ZC3H6: variants seen among roughly 807,000 people sequenced by gnomAD.
ZC3H6 encodes zinc finger CCCH domain-containing protein 6.
A neutral mutation model predicts 107.7 loss-of-function variants in ZC3H6; 40 were observed. The ratio of observed to expected loss-of-function variants is 0.37; its 90% CI spans 0.29 to 0.48. The LOEUF (loss-of-function observed/expected upper bound fraction) is 0.48. Among genes scored for constraint, ZC3H6 ranks in the 20% least tolerant of loss-of-function variants. The probability of loss-of-function intolerance (pLI) is 0.98; values close to 1 mark genes in which losing one functional copy is unlikely to be tolerated. For synonymous variants in ZC3H6, 493 were observed against 487.9 expected (o/e 1.01, Z -0.14); for missense variants, 1,267 against 1,410.4 (o/e 0.90, Z 1.63).
chr2:112,290,070 G>A (rs1391088491), intron 1 of ZC3H6, among the ~76,000 whole-genome samples: 1 of 152,036 alleles, frequency 6.6e-6, no homozygotes, highest in Non-Finnish European at 1.5e-5. Context: ...AAAAAGTTTG[G>A]ACTAATGTTC....
At position 112,299,975 on chromosome 2, in the gene ZC3H6, TAAGAA is replaced by T; in HGVS notation, c.161_165del (p.Lys54ArgfsTer13). ...CCTACAGAAAATCAAGAAAAAAACA[TAAGAA>T]AGAGAGAGAGAAGAAAAAATCCAAA... On this transcript the variant is annotated frameshift_variant, in exon 2 of 12. Transcript: ENST00000409871. LOFTEE classifies it high-confidence loss of function. The T allele has an allele frequency of 1.3e-6, 2 of 1,501,008 alleles. No individual in the cohort carries two copies. The highest frequency in any genetic ancestry group is 1.8e-6 in the Non-Finnish European group (2 of 1,126,456). 93.0% of individuals were successfully genotyped at this position (1,501,008 alleles called of 1,614,324 possible).
intron 1 of ZC3H6, among the ~76,000 whole-genome samples, chr2:112,288,640 T>C (rs1292072426): frequency 1.3e-5 from 2 of 152,238 alleles, no homozygotes; most frequent in African/African-American, 4.8e-5. Flanking sequence ...TACCTTGCTA[T>C]GATGTTAAGT....
Position 112,332,542 on chromosome 2 carries a change from C to T in ZC3H6, c.*54C>T. ...CTCTTGTGACTATCTCAGTCCTCTG[C>T]TGTTTTGTAACTGGTTTACCTCTAT... On this transcript the variant is annotated 3_prime_UTR_variant, in exon 12 of 12. Transcript: ENST00000409871. 1 of 1,512,124 alleles carries T rather than the reference C, an allele frequency of 6.6e-7. No homozygotes were observed. Among genetic ancestry groups the T allele is most frequent in the East Asian group, 2.3e-5 (1 of 44,228 alleles). The allele number at this position is 1,512,124 out of a possible 1,614,324, so 93.7% of individuals were successfully genotyped here.
At position 112,332,646 on chromosome 2, in the gene ZC3H6, G is replaced by A; in HGVS notation, c.*158G>A. 1 of 594,434 alleles carries A rather than the reference G, an allele frequency of 1.7e-6. No homozygotes were observed. Among genetic ancestry groups the A allele is most frequent in the Non-Finnish European group, 2.6e-6 (1 of 377,952 alleles). 36.8% of individuals were successfully genotyped at this position (594,434 alleles called of 1,614,324 possible). The stretch of plus-strand genomic sequence containing the variant: ...CATGAAGTTATAGCCTCTAAAGCCT[G>A]TGGTATTTTATATAATATTTTTATA... On this transcript the variant is annotated 3_prime_UTR_variant, in exon 12 of 12. Transcript: ENST00000409871.
intron 3 of ZC3H6, 116 bp from the exon 4 acceptor site, chr2:112,309,769 A>T: frequency 3.0e-6 from 3 of 1,007,476 alleles, no homozygotes; most frequent in Non-Finnish European, 4.3e-6. Context: ...GTCAGAACTA[A>T]TAACTGTCTT....
intron 1 of ZC3H6, among the ~76,000 whole-genome samples, chr2:112,297,808 T>C (rs918477328): frequency 7.9e-5 from 12 of 152,152 alleles, no homozygotes; most frequent in African/African-American, 2.7e-4. Context: ...TACTTAGTGT[T>C]TGTTGGTAAG....
Position 112,332,461 on chromosome 2 carries a change from T to C in ZC3H6, c.3543T>C (p.Phe1181=). 2 of 1,609,660 alleles carry C rather than the reference T, an allele frequency of 1.2e-6. No individual in the cohort carries two copies. The highest frequency in any genetic ancestry group is 1.7e-6 in the Non-Finnish European group (2 of 1,178,614). Residue 1181 remains phenylalanine, a synonymous_variant, in exon 12 of 12, where the codon TTT becomes TTC. Coordinates refer to ENST00000409871, the MANE Select transcript of ZC3H6 (RefSeq NM_198581.3). ...DKSLKEVFKT[F]DPTASPFC ...CTCTGAAAGAGGTTTTTAAAACTTT[T>C]GATCCAACTGCTTCACCATTTTGTT...
At position 112,322,801 on chromosome 2, in the gene ZC3H6, C is replaced by T. The variant is rs545633066; in HGVS notation, c.1239C>T (p.Asp413=). ...PEHFPFSDPE[D]DFQTDFSDDF... ...ATTTTCCCTTTTCTGATCCTGAAGA[C>T]GATTTTCAGACAGATTTCTCTGATG... The change falls in exon 9 of 12, where the codon GAC becomes GAT. Residue 413 remains aspartate (D), a synonymous_variant. Transcript: ENST00000409871. 1.7e-5 allele frequency: 28 copies of T among 1,613,876 alleles called. No homozygotes were observed. Among genetic ancestry groups the T allele is most frequent in the East Asian group, 1.1e-4 (5 of 44,868 alleles).
chr2:112,303,952 G>T (rs1230492146), intron 3 of ZC3H6, among the ~76,000 whole-genome samples: 1 of 152,200 alleles, frequency 6.6e-6, no homozygotes, highest in Non-Finnish European at 1.5e-5. Flanking sequence ...GTGATTCTAT[G>T]TCCAACTGTC....
At chr2:112,283,142 T>A (rs965319559) in intron 1 of ZC3H6, among the ~76,000 whole-genome samples, 11 of 152,180 alleles carry the variant, frequency 7.2e-5, no homozygotes, top group African/African-American at 2.7e-4. Context: ...GACATTCTTA[T>A]TCCCAGTATC....
At chr2:112,280,496 A>G (rs1473188884) in intron 1 of ZC3H6, among the ~76,000 whole-genome samples, 1 of 152,186 alleles carries the variant, frequency 6.6e-6, no homozygotes, top group African/African-American at 2.4e-5. Context: ...CGTCTCTGCT[A>G]AGTATAGTGT....
chr2:112,284,487 AATTT>A (rs1182690671), intron 1 of ZC3H6, among the ~76,000 whole-genome samples: 6 of 151,394 alleles, frequency 4.0e-5, no homozygotes, highest in Admixed American at 4.0e-4. Context: ...AAGTTATTAT[AATTT>A]ATTCTCAGAA....
chr2:112,279,097 A>G (rs769156863), intron 1 of ZC3H6, among the ~76,000 whole-genome samples: 10 of 152,214 alleles, frequency 6.6e-5, no homozygotes, highest in Non-Finnish European at 1.0e-4. Context: ...GGCTATGTAG[A>G]ATGTAGTAGA....
intron 1 of ZC3H6, among the ~76,000 whole-genome samples, chr2:112,292,108 C>T (rs1310852532): frequency 6.6e-6 from 1 of 152,144 alleles, no homozygotes; most frequent in African/African-American, 2.4e-5. Flanking sequence ...GTCACAAAAG[C>T]ACAGACATTG....
rs2104731035 is a variant in ZC3H6 at position 112,335,340 on chromosome 2, T to C, written c.*2852T>C. 6.6e-6 allele frequency: 1 copy of C among 152,200 alleles called. No homozygotes were observed. Among genetic ancestry groups the C allele is most frequent in the South Asian group, 2.1e-4 (1 of 4,818 alleles). 9.4% of individuals were successfully genotyped at this position (152,200 alleles called of 1,614,324 possible). ...CCTTTAGCCATGGAACTTTAAAGAG[T>C]AGTGTTCCTCCTACTTACTTTAAGC... On this transcript the variant is annotated 3_prime_UTR_variant, in exon 12 of 12. Transcript: ENST00000409871.
intron 3 of ZC3H6, among the ~76,000 whole-genome samples, chr2:112,307,503 T>C (rs1558951802): frequency 6.6e-6 from 1 of 152,208 alleles, no homozygotes; most frequent in Non-Finnish European, 1.5e-5. Flanking sequence ...ATTTATCTTC[T>C]CTCGGTTGGA....
intron 1 of ZC3H6, 51 bp from the exon 2 acceptor site, chr2:112,299,798 G>T: frequency 8.0e-7 from 1 of 1,246,664 alleles, no homozygotes; most frequent in Non-Finnish European, 1.0e-6. Flanking sequence ...AAATCTTTCT[G>T]TAAGATTTGT....
At chr2:112,313,638 A>G (rs1369763443) in intron 5 of ZC3H6, among the ~76,000 whole-genome samples, 2 of 152,212 alleles carry the variant, frequency 1.3e-5, no homozygotes, top group African/African-American at 4.8e-5. Context: ...ATTATCAGTC[A>G]TGTCAATTTA....
Position 112,303,578 on chromosome 2 carries a change from C to G in ZC3H6, c.336+227C>G, listed in dbSNP as rs144589170. On this transcript the variant is annotated intron_variant, in intron 3 of 11. Coordinates refer to ENST00000409871, the MANE Select transcript of ZC3H6 (RefSeq NM_198581.3). ...CCCCCAGCCCCTGAAAACCACTATT[C>G]TATTTTCTGTTTCTATGGATTTGCC... 9.5e-3 allele frequency among the ~76,000 whole-genome samples: 1,451 copies of G among 152,240 alleles called. 10 individuals carry two copies. Among genetic ancestry groups the G allele is most frequent in the Non-Finnish European group, 0.016 (1,056 of 67,992 alleles).
Sources: allele counts gnomAD v4.1 joint callset (sites outside exome capture counted in the v4.1 genomes callset), GRCh38; gene constraint gnomAD v4.1.1; transcripts MANE v1.5; gene names NCBI Gene and HGNC (gene_info 2026-07-23, HGNC 2026-07-21).